BRWD1: variants seen among roughly 807,000 people sequenced by gnomAD.
BRWD1 encodes bromodomain and WD repeat domain containing 1, also known as bromodomain and WD repeat-containing protein 1.
BRWD1 carries 82 observed loss-of-function variants against 251.2 expected under a neutral mutation model. The ratio of observed to expected loss-of-function variants is 0.33; its 90% CI spans 0.27 to 0.39. The LOEUF is 0.39. Among genes scored for constraint, BRWD1 ranks in the 10% least tolerant of loss-of-function variants. The probability of loss-of-function intolerance (pLI) is 1.00; values close to 1 mark genes in which losing one functional copy is unlikely to be tolerated. For missense variants in BRWD1, 2,233 were observed against 2,711.6 expected (o/e 0.82, Z 3.92); for synonymous variants, 918 against 902.8 (o/e 1.02, Z -0.30).
At chr21:39,243,663 C>T (rs1033295890) in intron 21 of BRWD1, among the ~76,000 whole-genome samples, 3 of 152,048 alleles carry the variant, frequency 2.0e-5, no homozygotes, top group Admixed American at 6.5e-5. Flanking sequence ...ATTGCCCAGG[C>T]TGGTCTCGAA....
Position 39,194,199 on chromosome 21 carries a change from T to C in BRWD1, c.*2060A>G. 1 of 982,966 alleles carries C rather than the reference T, an allele frequency of 1.0e-6. No homozygotes were observed. The highest frequency in any genetic ancestry group is 1.7e-5 in the African/African-American group (1 of 57,286). The allele number at this position is 982,966 out of a possible 1,614,324, so 60.9% of individuals were successfully genotyped here. A position where few individuals can be genotyped will look rare whatever the true frequency, so the allele number is the denominator to read the frequency against. On this transcript the variant is annotated 3_prime_UTR_variant, in exon 41 of 41. Transcript: ENST00000342449. ...AGTTCTATTAATGAAGCCTAAACTGTCAAAATATTGTTTTATACCAAAAGA... is the reference window on the plus strand; with the variant it reads ...AGTTCTATTAATGAAGCCTAAACTGCCAAAATATTGTTTTATACCAAAAGA...
chr21:39,295,029 T>C (rs1324726004), intron 7 of BRWD1, among the ~76,000 whole-genome samples: 1 of 152,048 alleles, frequency 6.6e-6, no homozygotes, highest in Non-Finnish European at 1.5e-5. Context: ...CCTGAACCAG[T>C]GATTAATGTG....
chr21:39,319,192 T>C (rs547015613), intron 1 of BRWD1, among the ~76,000 whole-genome samples: 1 of 152,348 alleles, frequency 6.6e-6, no homozygotes, highest in African/African-American at 2.4e-5. Context: ...GGTGTCATCT[T>C]TCCCACAGGA....
At chr21:39,282,019 C>T (rs1017406137) in intron 8 of BRWD1, among the ~76,000 whole-genome samples, 13 of 151,202 alleles carry the variant, frequency 8.6e-5, no homozygotes, top group East Asian at 5.8e-4. Flanking sequence ...TCAACATATA[C>T]GTCTATGTAT....
At chr21:39,271,859 T>G (rs1159693951) in intron 13 of BRWD1, among the ~76,000 whole-genome samples, 1 of 151,164 alleles carries the variant, frequency 6.6e-6, no homozygotes, top group Non-Finnish European at 1.5e-5. Context: ...GCCAACAGGA[T>G]GAAATCATGC....
At position 39,191,868 on chromosome 21, in the gene BRWD1, A is replaced by G; in HGVS notation, c.*4391T>C. ...AATGAAAAAACTTACCTTAAAACTG[A>G]CATAACTAAAATATGACCAGAAAGT... On this transcript the variant is annotated 3_prime_UTR_variant, in exon 41 of 41. Transcript: ENST00000342449. 1.0e-6 allele frequency: 1 copy of G among 984,566 alleles called. No homozygotes were observed. Among genetic ancestry groups the G allele is most frequent in the African/African-American group, 1.7e-5 (1 of 57,326 alleles). The allele number at this position is 984,566 out of a possible 1,614,324, so 61.0% of individuals were successfully genotyped here.
intron 19 of BRWD1, 63 bp from the exon 20 acceptor site, chr21:39,250,952 G>T (rs1219274470): frequency 7.3e-6 from 7 of 963,066 alleles, no homozygotes; most frequent in Non-Finnish European, 1.1e-5. Flanking sequence ...AGGATATAAA[G>T]AATAAAAACC....
chr21:39,255,928 T>C, intron 18 of BRWD1, 100 bp from the exon 19 acceptor site: 1 of 1,053,162 alleles, frequency 9.5e-7, no homozygotes, highest in Non-Finnish European at 1.4e-6. Flanking sequence ...GCACCAAAAA[T>C]AAAGAACTAA....
chr21:39,219,701 T>G (rs1269854794), intron 29 of BRWD1: 2 of 152,226 alleles, frequency 1.3e-5, no homozygotes, highest in African/African-American at 4.8e-5. Flanking sequence ...GAGCATTCTT[T>G]GGGAATGCTC....
Position 39,258,495 on chromosome 21 carries a change from G to T in BRWD1, c.2063C>A (p.Pro688His). 6.3e-7 allele frequency: 1 copy of T among 1,590,600 alleles called. No individual in the cohort carries two copies. The highest frequency in any genetic ancestry group is 8.6e-7 in the Non-Finnish European group (1 of 1,168,574). ...TTATCACTATTTATTACCTCTCCGG[G>T]GTGTTTCTTCACCATTTGAAAGTCC... ...PRGLSNGEET[P>H]RRGFRRLSLD... Residue 688 changes from proline to histidine, a missense_variant, in exon 18 of 41, where the codon CCC becomes CAC. Physicochemically the swap from Pro to His is moderately conservative, Grantham distance 77. This residue lies in a region of BRWD1 where 73 missense variants were observed against 68.1 expected (regional missense o/e 1.07). Coordinates refer to ENST00000342449, the MANE Select transcript of BRWD1 (RefSeq NM_033656.4).
At chr21:39,277,633 G>A (rs538962621) in intron 10 of BRWD1, among the ~76,000 whole-genome samples, 1 of 151,612 alleles carries the variant, frequency 6.6e-6, no homozygotes, top group South Asian at 2.1e-4. Flanking sequence ...GTGTGATCTC[G>A]GCTCACTGCA....
intron 19 of BRWD1, among the ~76,000 whole-genome samples, chr21:39,255,413 GAA>G (rs1020652274): frequency 1.4e-5 from 2 of 142,228 alleles, no homozygotes. Flanking sequence ...ACTCCGTCTC[GAA>G]AAAAAAAAAG....
At position 39,188,519 on chromosome 21, in the gene BRWD1, C is replaced by T; in HGVS notation, c.*7740G>A. On this transcript the variant is annotated 3_prime_UTR_variant, in exon 41 of 41. Transcript: ENST00000342449. The stretch of plus-strand genomic sequence containing the variant: ...TCTGTAGCAATGAAACCACCAATGC[C>T]AACCTTCTGAACTTTTTCTTCTGTG... The T allele has an allele frequency of 3.0e-6, 3 of 985,372 alleles. No homozygotes were observed. Among genetic ancestry groups the T allele is most frequent in the Non-Finnish European group, 3.6e-6 (3 of 829,896 alleles). 61.0% of individuals were successfully genotyped at this position (985,372 alleles called of 1,614,324 possible). A position where few individuals can be genotyped will look rare whatever the true frequency, so the allele number is the denominator to read the frequency against.
At chr21:39,260,545 G>C (rs2034708469) in intron 17 of BRWD1, among the ~76,000 whole-genome samples, 1 of 152,120 alleles carries the variant, frequency 6.6e-6, no homozygotes, top group Non-Finnish European at 1.5e-5. Context: ...TATTGAAGGA[G>C]GGTTCTACCC....
At chr21:39,260,164 T>TA (rs1171723535) in intron 17 of BRWD1, among the ~76,000 whole-genome samples, 2 of 152,204 alleles carry the variant, frequency 1.3e-5, no homozygotes, top group African/African-American at 2.4e-5. Context: ...AGGCTTAATC[T>TA]AAAAAGATAA....
At position 39,288,962 on chromosome 21, in the gene BRWD1, T is replaced by C. The variant is rs1250364333; in HGVS notation, c.831+4849A>G. On this transcript the variant is annotated intron_variant, in intron 8 of 40. Transcript: ENST00000342449. ...TTCAAGGGTCAACTATACATAAAAT[T>C]TACAAAAAGTGAGGATTATCTGTTA... is the stretch of plus-strand genomic sequence containing the variant. Among the ~76,000 whole-genome samples the C allele has an allele frequency of 3.3e-5, 5 of 152,248 alleles. No homozygotes were observed. The East Asian group carries it at 9.6e-4, about 29-fold the overall frequency.
At chr21:39,217,054 TA>T (rs1684312713) in intron 31 of BRWD1, 2 of 17,588 alleles carry the variant, frequency 1.1e-4, no homozygotes, top group South Asian at 2.0e-3. Flanking sequence ...TATATATTTA[TA>T]TATATATATA....
intron 29 of BRWD1, among the ~76,000 whole-genome samples, chr21:39,223,544 T>A (rs975228192): frequency 6.6e-6 from 1 of 152,140 alleles, no homozygotes; most frequent in African/African-American, 2.4e-5. Context: ...TGAAGTCAAA[T>A]GTAAGGTCTA....
At chr21:39,215,115 C>T (rs902367371) in intron 32 of BRWD1, 122 bp downstream of exon 32, 12 of 910,272 alleles carry the variant, frequency 1.3e-5, no homozygotes, top group Admixed American at 6.6e-5. Context: ...AGTGATCTGA[C>T]GGCCTTCACT....
Sources: allele counts gnomAD v4.1 joint callset (sites outside exome capture counted in the v4.1 genomes callset), GRCh38; gene constraint gnomAD v4.1.1; regional missense constraint gnomAD v4.1.1; transcripts MANE v1.5; gene names NCBI Gene and HGNC (gene_info 2026-07-23, HGNC 2026-07-21).